The following ATF7IP variants were observed in gnomAD, a reference collection of about 807,000 sequenced individuals.
ATF7IP encodes the protein activating transcription factor 7 interacting protein, also known as activating transcription factor 7-interacting protein 1.
ATF7IP carries 23 observed loss-of-function variants against 106.4 expected under a neutral mutation model. That is an observed-to-expected ratio of 0.22 (90% confidence interval 0.16 to 0.31). The LOEUF (loss-of-function observed/expected upper bound fraction) is 0.31. Ranked by LOEUF, ATF7IP falls within the 10% of genes least tolerant of loss-of-function variation. The pLI, the probability that ATF7IP is intolerant of heterozygous loss-of-function variation, is 1.00. For synonymous variants in ATF7IP, 542 were observed against 539.0 expected, an observed-to-expected ratio of 1.01 and a Z score of -0.08; for missense variants, 1,334 against 1,524.3, an observed-to-expected ratio of 0.88 and a Z score of 2.08.
At chr12:14,366,910 A>C (rs1292323279) in intron 1 of ATF7IP, among the ~76,000 whole-genome samples, 11 of 152,164 alleles carry the variant, frequency 7.2e-5, no homozygotes, top group Non-Finnish European at 2.9e-5. Context: ...TGATTTTTTA[A>C]TTGTAAGTGT....
chr12:14,392,468 A>G (rs1355501178), intron 1 of ATF7IP, among the ~76,000 whole-genome samples: 1 of 152,248 alleles, frequency 6.6e-6, no homozygotes, highest in African/African-American at 2.4e-5. Flanking sequence ...TGGTAGAGTG[A>G]AAACTAAAAC....
At chr12:14,450,947 T>C (rs917909461) in intron 6 of ATF7IP, among the ~76,000 whole-genome samples, 1 of 152,088 alleles carries the variant, frequency 6.6e-6, no homozygotes, top group East Asian at 1.9e-4. Context: ...GGCTAATTTT[T>C]GTATTTGTAG....
chr12:14,431,350 A>G (rs937681736), intron 2 of ATF7IP, among the ~76,000 whole-genome samples: 1 of 152,088 alleles, frequency 6.6e-6, no homozygotes, highest in East Asian at 1.9e-4. Flanking sequence ...CAAAGGAATT[A>G]TAACAGAAAC....
chr12:14,371,793 T>C (rs1938541074), intron 1 of ATF7IP, among the ~76,000 whole-genome samples: 1 of 152,128 alleles, frequency 6.6e-6, no homozygotes, highest in African/African-American at 2.4e-5. Context: ...GAGCGTGTGA[T>C]TTAGTTTAGA....
Position 14,498,271 on chromosome 12 carries a change from G to A in ATF7IP, c.*198G>A, listed in dbSNP as rs34370668. On this transcript the variant is annotated 3_prime_UTR_variant, in exon 15 of 15. Coordinates refer to ENST00000261168, the MANE Select transcript of ATF7IP (RefSeq NM_018179.5). ...CTAGAATCTTTTCCTGGACAGTTTAGGCTTTGGGGTTTGGAAATGTAAATG... is the reference window on the plus strand; with the variant it reads ...CTAGAATCTTTTCCTGGACAGTTTAAGCTTTGGGGTTTGGAAATGTAAATG... 1 of 526,502 alleles carries A rather than the reference G, an allele frequency of 1.9e-6. No homozygotes were observed. The allele number at this position is 526,502 out of a possible 1,614,324, so 32.6% of individuals were successfully genotyped here.
At chr12:14,441,487 C>CTTT (rs36088397) in intron 5 of ATF7IP, among the ~76,000 whole-genome samples, 1,771 of 105,224 alleles carry the variant, frequency 0.017, 101 homozygotes, top group African/African-American at 0.057. Context: ...ATACCAAAGT[C>CTTT]TTTTTTTTTT....
chr12:14,376,095 T>C (rs943576621), intron 1 of ATF7IP, among the ~76,000 whole-genome samples: 10 of 152,230 alleles, frequency 6.6e-5, no homozygotes, highest in African/African-American at 2.4e-4. Context: ...CTAAATTCAC[T>C]AAATTTACAG....
intron 6 of ATF7IP, among the ~76,000 whole-genome samples, chr12:14,452,307 C>T (rs935804589): frequency 6.6e-6 from 1 of 152,088 alleles, no homozygotes; most frequent in African/African-American, 2.4e-5. Context: ...GTCAACCTGT[C>T]GTTTGATTGG....
intron 1 of ATF7IP, chr12:14,417,000 T>A: frequency 5.2e-4 from 407 of 790,228 alleles, no homozygotes; most frequent in Middle Eastern, 6.6e-4. Flanking sequence ...GGAAATGAGG[T>A]TTATTTTTAA....
intron 12 of ATF7IP, among the ~76,000 whole-genome samples, chr12:14,480,045 C>G (rs1944385436): frequency 6.6e-6 from 1 of 152,104 alleles, no homozygotes; most frequent in Admixed American, 6.6e-5. Flanking sequence ...TTTCTTCTTT[C>G]TTCCCGTTTC....
intron 2 of ATF7IP, among the ~76,000 whole-genome samples, chr12:14,430,350 T>C (rs1591842428): frequency 6.6e-6 from 1 of 152,136 alleles, no homozygotes; most frequent in South Asian, 2.1e-4. Flanking sequence ...TGGTGAATGG[T>C]GGAGTGGAAA....
At chr12:14,461,272 T>G (rs1943629071) in intron 9 of ATF7IP, 139 bp downstream of exon 9, 1 of 808,578 alleles carries the variant, frequency 1.2e-6, no homozygotes, top group Non-Finnish European at 1.8e-6. Context: ...TTTAGTAATT[T>G]TTTAGATACC....
intron 2 of ATF7IP, among the ~76,000 whole-genome samples, chr12:14,432,970 G>A (rs10160952): frequency 1 from 152,123 of 152,336 alleles, 75,955 homozygotes; most frequent in Middle Eastern, 1. Flanking sequence ...CCAAAAGAAC[G>A]TTTTGGTACC....
chr12:14,398,927 T>C (rs959878280), intron 1 of ATF7IP, among the ~76,000 whole-genome samples: 2 of 152,158 alleles, frequency 1.3e-5, no homozygotes, highest in South Asian at 2.1e-4. Context: ...GCATAGCTAA[T>C]GATATTTTTG....
At chr12:14,484,979 C>T (rs1049967733) in intron 13 of ATF7IP, among the ~76,000 whole-genome samples, 4 of 152,106 alleles carry the variant, frequency 2.6e-5, no homozygotes, top group Non-Finnish European at 5.9e-5. Flanking sequence ...CAAGAGCTGT[C>T]TCTCAAAAGG....
chr12:14,374,849 C>G (rs944380675), intron 1 of ATF7IP, among the ~76,000 whole-genome samples: 1 of 152,034 alleles, frequency 6.6e-6, no homozygotes, highest in African/African-American at 2.4e-5. Context: ...TCTAATTTTT[C>G]TTTGCTTTAC....
intron 1 of ATF7IP, chr12:14,367,537 G>A (rs898960936): frequency 3.9e-5 from 6 of 151,968 alleles, no homozygotes; most frequent in African/African-American, 1.4e-4. Flanking sequence ...TTTTCGAGTT[G>A]AACATACACA....
chr12:14,461,501 GAA>G (rs1240237278), intron 9 of ATF7IP, among the ~76,000 whole-genome samples: 3 of 151,918 alleles, frequency 2.0e-5, no homozygotes, highest in African/African-American at 7.2e-5. Flanking sequence ...ATGCTTTTAA[GAA>G]AAAAAGACAC....
chr12:14,476,758 C>A (rs771525474), intron 11 of ATF7IP, among the ~76,000 whole-genome samples: 4 of 151,980 alleles, frequency 2.6e-5, no homozygotes, highest in Non-Finnish European at 5.9e-5. Flanking sequence ...GAATTAATTT[C>A]TTTTATCTAG....
Sources: allele counts gnomAD v4.1 joint callset (sites outside exome capture counted in the v4.1 genomes callset), GRCh38; gene constraint gnomAD v4.1.1; transcripts MANE v1.5; gene names NCBI Gene and HGNC (gene_info 2026-07-23, HGNC 2026-07-21).